Variants in CRLF3 observed in about 807,000 individuals in gnomAD.
The protein encoded by CRLF3 is cytokine receptor-like factor 3.
A neutral mutation model predicts 55.0 loss-of-function variants in CRLF3; 33 were observed. The ratio of observed to expected loss-of-function variants is 0.60; its 90% CI spans 0.46 to 0.80. The LOEUF (loss-of-function observed/expected upper bound fraction) is 0.80. CRLF3 is among the 30% of genes least tolerant of loss of function. CRLF3 has a pLI of 0.00. For synonymous variants in CRLF3, 238 were observed against 196.8 expected, an observed-to-expected ratio of 1.21 and a Z score of -1.75; for missense variants, 494 against 538.4, an observed-to-expected ratio of 0.92 and a Z score of 0.82.
chr17:30,805,789 G>A (rs916014928), intron 1 of CRLF3, among the ~76,000 whole-genome samples: 1 of 151,610 alleles, frequency 6.6e-6, no homozygotes, highest in African/African-American at 2.4e-5. Flanking sequence ...TTGAGAGGCT[G>A]AGGCAGGAGG....
In CRLF3 at chr17:30,797,282, G is replaced by GT. The variant is rs759689156; in HGVS notation, c.425+28dup. 42 of 1,497,692 alleles carry GT rather than the reference G, an allele frequency of 2.8e-5. No homozygotes were observed. The East Asian group carries it at 8.8e-4, about 31-fold the overall frequency. The allele number at this position is 1,497,692 out of a possible 1,614,324, so 92.8% of individuals were successfully genotyped here. On this transcript the variant is annotated intron_variant, in intron 3 of 7. Transcript: ENST00000324238. ...GCAGACATAGTTTAAATGCTTAAAA[G>GT]TAAGTCAAAAAGGCACAAACTCTTT...
At position 30,789,987 on chromosome 17, in the gene CRLF3, T is replaced by G. The variant is rs147271514; in HGVS notation, c.959+2453A>C. On this transcript the variant is annotated intron_variant, in intron 6 of 7. Transcript: ENST00000324238. Reference sequence around the variant, plus strand: ...GGAATAGTTAAATAGATTTTAGGTATTAGTTGTTTTTTTTTTTCCTCTCTC... The same window carrying G: ...GGAATAGTTAAATAGATTTTAGGTAGTAGTTGTTTTTTTTTTTCCTCTCTC... 8.1e-3 allele frequency among the ~76,000 whole-genome samples: 1,232 copies of G among 152,172 alleles called. 16 individuals carry two copies. Among genetic ancestry groups the G allele is most frequent in the African/African-American group, 0.028 (1,172 of 41,516 alleles).
At chr17:30,795,230 C>T (rs1034267025) in intron 4 of CRLF3, among the ~76,000 whole-genome samples, 2 of 152,138 alleles carry the variant, frequency 1.3e-5, no homozygotes, top group Admixed American at 6.5e-5. Flanking sequence ...CCTGTAATCC[C>T]AGCACTTTGG....
intron 6 of CRLF3, among the ~76,000 whole-genome samples, chr17:30,787,874 C>T (rs1971685470): frequency 6.6e-6 from 1 of 152,008 alleles, no homozygotes; most frequent in South Asian, 2.1e-4. Flanking sequence ...GGTAGTGGCT[C>T]CTGTAATCCT....
intron 4 of CRLF3, among the ~76,000 whole-genome samples, chr17:30,794,650 TTAGC>T (rs1971879176): frequency 6.6e-6 from 1 of 151,940 alleles, no homozygotes; most frequent in Non-Finnish European, 1.5e-5. Flanking sequence ...ATTACAAAAC[TTAGC>T]TGGCTGTGGA....
At chr17:30,802,124 AT>A (rs1972015009) in intron 2 of CRLF3, among the ~76,000 whole-genome samples, 1 of 151,588 alleles carries the variant, frequency 6.6e-6, no homozygotes, top group Non-Finnish European at 1.5e-5. Flanking sequence ...CACCTATTTT[AT>A]TCTTTTCTTT....
chr17:30,805,880 G>A (rs148681783), intron 1 of CRLF3, among the ~76,000 whole-genome samples: 20 of 152,004 alleles, frequency 1.3e-4, no homozygotes, highest in Middle Eastern at 3.4e-3. Flanking sequence ...AAAATTAGCC[G>A]GGCATGGTGG....
intron 6 of CRLF3, among the ~76,000 whole-genome samples, chr17:30,792,205 TATAAAC>T (rs1452900135): frequency 6.6e-6 from 1 of 152,092 alleles, no homozygotes; most frequent in Non-Finnish European, 1.5e-5. Context: ...GGAAAAGAGA[TATAAAC>T]ATATTAAATA....
In CRLF3 at chr17:30,807,109, C is replaced by T. The variant is rs115002260; in HGVS notation, c.130-3001G>A. On this transcript the variant is annotated intron_variant, in intron 1 of 7. Transcript: ENST00000324238. ...AGGTAACATATAATTCATTTTCTCT[C>T]GCTTAATGGGAAAATTCTAACTATA... 6.3e-3 allele frequency among the ~76,000 whole-genome samples: 964 copies of T among 152,216 alleles called. 11 individuals are homozygous for T. The highest frequency in any genetic ancestry group is 0.022 in the African/African-American group (920 of 41,546).
chr17:30,823,985 T>C (rs1169572450), intron 1 of CRLF3, among the ~76,000 whole-genome samples: 1 of 152,142 alleles, frequency 6.6e-6, no homozygotes, highest in Non-Finnish European at 1.5e-5. Flanking sequence ...GACATATTAT[T>C]CAGGCATTAA....
intron 2 of CRLF3, among the ~76,000 whole-genome samples, chr17:30,797,891 C>G (rs1971945610): frequency 6.6e-6 from 1 of 150,438 alleles, no homozygotes; most frequent in African/African-American, 2.5e-5. Context: ...CCTCCCATCT[C>G]AGCCTCCCAA....
chr17:30,784,484 A>T (rs1401097539), intron 7 of CRLF3, 41 bp from the exon 8 acceptor site: 1 of 1,537,398 alleles, frequency 6.5e-7, no homozygotes, highest in African/African-American at 1.4e-5. Context: ...TGTGAGCAAT[A>T]ACTAAGAGAT....
intron 1 of CRLF3, among the ~76,000 whole-genome samples, chr17:30,805,713 CAAAAAAAA>C (rs58852260): frequency 1.4e-5 from 1 of 70,992 alleles, no homozygotes; most frequent in Non-Finnish European, 3.0e-5. Context: ...GACTCCGTCT[CAAAAAAAA>C]AAAAAAAAAA....
intron 1 of CRLF3, among the ~76,000 whole-genome samples, chr17:30,822,191 T>C (rs1348837901): frequency 6.6e-6 from 1 of 152,154 alleles, no homozygotes. Flanking sequence ...TGCAAAATCC[T>C]TGACTAAAGT....
intron 1 of CRLF3, among the ~76,000 whole-genome samples, chr17:30,817,194 T>C (rs1738438706): frequency 6.6e-6 from 1 of 152,110 alleles, no homozygotes; most frequent in Non-Finnish European, 1.5e-5. Flanking sequence ...TCCTAGCACT[T>C]TTTGAGGCCG....
At chr17:30,787,501 A>G (rs1971675417) in intron 6 of CRLF3, 1 of 151,572 alleles carries the variant, frequency 6.6e-6, no homozygotes, top group Admixed American at 6.6e-5. Flanking sequence ...CAGACACATC[A>G]TTCTCTCCAT....
At chr17:30,799,726 A>G (rs1971976482) in intron 2 of CRLF3, among the ~76,000 whole-genome samples, 1 of 152,000 alleles carries the variant, frequency 6.6e-6, no homozygotes, top group Non-Finnish European at 1.5e-5. Context: ...GCTGGTCTTG[A>G]ACTCCTGACC....
At chr17:30,812,481 T>G (rs1437333089) in intron 1 of CRLF3, among the ~76,000 whole-genome samples, 1 of 152,184 alleles carries the variant, frequency 6.6e-6, no homozygotes, top group African/African-American at 2.4e-5. Context: ...GACTCAAGAA[T>G]GGACTTGTAA....
At chr17:30,791,489 G>A (rs925838652) in intron 6 of CRLF3, among the ~76,000 whole-genome samples, 1 of 151,678 alleles carries the variant, frequency 6.6e-6, no homozygotes, top group African/African-American at 2.4e-5. Context: ...TTACAAGTGT[G>A]AGCCACTGCG....
Sources: gnomAD v4.1 joint callset for allele counts (sites outside exome capture counted in the v4.1 genomes callset) on GRCh38, gnomAD v4.1.1 for gene constraint, MANE v1.5 for transcripts, NCBI Gene and HGNC (gene_info 2026-07-23, HGNC 2026-07-21) for gene names.